CADM2: variants seen among roughly 807,000 people sequenced by gnomAD.
CADM2 encodes cell adhesion molecule 2, also known as immunoglobulin superfamily member 4D.
CADM2 carries 12 observed loss-of-function variants against 49.8 expected under a neutral mutation model. The observed-to-expected ratio is 0.24, with a 90% CI of 0.15 to 0.39. The LOEUF (loss-of-function observed/expected upper bound fraction) is 0.39, where lower values mean the gene tolerates loss of function less well. Among genes scored for constraint, CADM2 ranks in the 10% least tolerant of loss-of-function variants. The pLI, the probability that CADM2 is intolerant of heterozygous loss-of-function variation, is 1.00. For missense variants in CADM2, 378 were observed against 492.3 expected, an observed-to-expected ratio of 0.77 and a Z score of 2.20; for synonymous variants, 214 against 175.4, an observed-to-expected ratio of 1.22 and a Z score of -1.74.
At chr3:85,751,102 CAGTG>C (rs1302039736) in intron 2 of CADM2, among the ~76,000 whole-genome samples, 1 of 151,906 alleles carries the variant, frequency 6.6e-6, no homozygotes, top group Non-Finnish European at 1.5e-5. Context: ...TCCTAATGTA[CAGTG>C]AGTCATTCAG....
chr3:85,290,360 G>A (rs1043836074), intron 1 of CADM2, among the ~76,000 whole-genome samples: 3 of 152,196 alleles, frequency 2.0e-5, no homozygotes, highest in Admixed American at 6.5e-5. Flanking sequence ...CAAGGCTGGG[G>A]GAGGGGCGCC....
At chr3:85,871,697 T>C (rs1190771770) in intron 3 of CADM2, among the ~76,000 whole-genome samples, 2 of 152,298 alleles carry the variant, frequency 1.3e-5, no homozygotes, top group Middle Eastern at 3.4e-3. Context: ...TTAACATTAC[T>C]CTATCGTTGT....
chr3:85,909,116 TCA>T (rs1378439178), intron 5 of CADM2, among the ~76,000 whole-genome samples: 2 of 152,122 alleles, frequency 1.3e-5, no homozygotes, highest in Non-Finnish European at 2.9e-5. Flanking sequence ...GCAGATGACC[TCA>T]CACCGCTTTT....
chr3:85,658,567 G>GAT (rs1427137661), intron 1 of CADM2, among the ~76,000 whole-genome samples: 2 of 54,638 alleles, frequency 3.7e-5, no homozygotes, highest in East Asian at 1.2e-3. Flanking sequence ...AAATATATTG[G>GAT]ATATATGTGT....
intron 1 of CADM2, among the ~76,000 whole-genome samples, chr3:85,336,759 T>C (rs1004734216): frequency 6.7e-6 from 1 of 150,038 alleles, no homozygotes; most frequent in Non-Finnish European, 1.5e-5. Flanking sequence ...AAATTTCGTA[T>C]ATGAAACATT....
At chr3:85,440,288 G>A (rs9874083) in intron 1 of CADM2, among the ~76,000 whole-genome samples, 152,282 of 152,282 alleles carry the variant, frequency 1, 76,141 homozygotes, top group Non-Finnish European at 1. Context: ...CTCAGAGATG[G>A]AACACACCCC....
At chr3:84,975,160 A>G (rs900506150) in intron 1 of CADM2, among the ~76,000 whole-genome samples, 1 of 151,866 alleles carries the variant, frequency 6.6e-6, no homozygotes. Flanking sequence ...TGTTATTAAG[A>G]TAATTGTGCC....
chr3:85,555,257 C>T (rs1448584667), intron 1 of CADM2, among the ~76,000 whole-genome samples: 2 of 152,068 alleles, frequency 1.3e-5, no homozygotes. Flanking sequence ...GGGTAATCGC[C>T]AGTGTATTTG....
intron 3 of CADM2, among the ~76,000 whole-genome samples, chr3:85,861,316 A>G (rs2075525508): frequency 6.6e-6 from 1 of 152,168 alleles, no homozygotes; most frequent in Non-Finnish European, 1.5e-5. Context: ...AATTCCTGAT[A>G]TGTAACTGGA....
At chr3:85,097,604 A>T (rs2037849146) in intron 1 of CADM2, among the ~76,000 whole-genome samples, 1 of 152,206 alleles carries the variant, frequency 6.6e-6, no homozygotes, top group East Asian at 1.9e-4. Flanking sequence ...GAACTAGTTT[A>T]CAGTCCCACC....
Position 85,995,891 on chromosome 3 carries a change from C to T in CADM2, c.970+34244C>T, listed in dbSNP as rs1228293291. Reference sequence around the variant, plus strand: ...GATCACGAGGTCAGGAGATCAAGACCGTCCTGGCTAACCAGGTGAAACACC... The same window carrying T: ...GATCACGAGGTCAGGAGATCAAGACTGTCCTGGCTAACCAGGTGAAACACC... On this transcript the variant is annotated intron_variant, in intron 8 of 9. Coordinates refer to ENST00000383699, the MANE Select transcript of CADM2 (RefSeq NM_001167675.2). 2.0e-5 allele frequency among the ~76,000 whole-genome samples: 3 copies of T among 151,836 alleles called. No individual in the cohort carries two copies. The East Asian group carries it at 5.8e-4, about 30-fold the overall frequency.
At chr3:85,731,531 T>G (rs1479027010) in intron 2 of CADM2, among the ~76,000 whole-genome samples, 2 of 152,238 alleles carry the variant, frequency 1.3e-5, no homozygotes, top group East Asian at 1.9e-4. Flanking sequence ...CAATTTAAAT[T>G]ATATCTGTGG....
intron 3 of CADM2, among the ~76,000 whole-genome samples, chr3:85,848,321 T>C (rs1230919234): frequency 6.6e-6 from 1 of 152,088 alleles, no homozygotes; most frequent in Admixed American, 6.6e-5. Context: ...GACAAAAGGT[T>C]AGGGTGTGAT....
chr3:85,505,891 G>GT lies in CADM2; in HGVS notation c.62-220631_62-220630insT, dbSNP rs568260858. ...TTTTTGCTTTCGGTTATTGTTTTTG[G>GT]GTTTTTTTGGTATGTTAAATTCATA... On this transcript the variant is annotated intron_variant, in intron 1 of 9. Coordinates refer to ENST00000383699, the MANE Select transcript of CADM2 (RefSeq NM_001167675.2). Among the ~76,000 whole-genome samples, 242 of 152,022 alleles carry GT rather than the reference G, an allele frequency of 1.6e-3. 1 individual carries two copies. Among genetic ancestry groups the GT allele is most frequent in the African/African-American group, 5.4e-3 (222 of 41,480 alleles).
chr3:85,074,439 G>T (rs1470176167), intron 1 of CADM2, among the ~76,000 whole-genome samples: 1 of 151,828 alleles, frequency 6.6e-6, no homozygotes, highest in Non-Finnish European at 1.5e-5. Context: ...TATAATAAAT[G>T]ATACTCTCTC....
chr3:85,339,398 G>T (rs553772175), intron 1 of CADM2, among the ~76,000 whole-genome samples: 1 of 151,330 alleles, frequency 6.6e-6, no homozygotes, highest in East Asian at 1.9e-4. Context: ...TAATTAAAAT[G>T]GAAATGTGTC....
At chr3:84,994,889 G>T (rs933035979) in intron 1 of CADM2, among the ~76,000 whole-genome samples, 2 of 151,824 alleles carry the variant, frequency 1.3e-5, no homozygotes, top group Non-Finnish European at 2.9e-5. Context: ...TAAGCCGGGC[G>T]TGGTGGTGTG....
chr3:85,861,097 A>C (rs1173671427), intron 3 of CADM2, among the ~76,000 whole-genome samples: 3 of 152,106 alleles, frequency 2.0e-5, no homozygotes, highest in Non-Finnish European at 4.4e-5. Context: ...AGGTCATTGA[A>C]AGTGTCTGAG....
intron 2 of CADM2, among the ~76,000 whole-genome samples, chr3:85,778,085 C>T (rs2070446810): frequency 6.6e-6 from 1 of 151,856 alleles, no homozygotes; most frequent in South Asian, 2.1e-4. Flanking sequence ...TGGCTCCTGC[C>T]CTAAATAATG....
Sources: gnomAD v4.1 joint callset for allele counts (sites outside exome capture counted in the v4.1 genomes callset) on GRCh38, gnomAD v4.1.1 for gene constraint, MANE v1.5 for transcripts, NCBI Gene and HGNC (gene_info 2026-07-23, HGNC 2026-07-21) for gene names.